Variants in APLF observed in about 807,000 individuals in gnomAD.
APLF encodes aprataxin and PNK-like factor.
Under a neutral mutation model 55.6 loss-of-function variants are expected in APLF, and 61 were observed. The observed-to-expected ratio is 1.10, with a 90% confidence interval of 0.89 to 1.36. The LOEUF (loss-of-function observed/expected upper bound fraction) is 1.36. APLF is among the 40% of genes most tolerant of loss of function. APLF has a pLI of 0.00. For missense variants in APLF, 611 were observed against 602.5 expected (o/e 1.01, Z -0.15); for synonymous variants, 207 against 214.8 (o/e 0.96, Z 0.32).
rs780241325 is a variant in APLF at position 68,545,313 on chromosome 2, G to C, written c.1286+1G>C. On this transcript the variant is annotated splice_donor_variant, in intron 8 of 9. Transcript: ENST00000303795. LOFTEE classifies it high-confidence loss of function. ...GTCCCTATGGACCATCCTGTTATAG[G>C]TATAGAAACTGAATGTTTGGCTGCA... 4 of 1,608,788 alleles carry C rather than the reference G, an allele frequency of 2.5e-6. No homozygotes were observed. Among genetic ancestry groups the C allele is most frequent in the Non-Finnish European group, 3.4e-6 (4 of 1,177,706 alleles).
chr2:68,518,117 C>T (rs1215662395), intron 5 of APLF, among the ~76,000 whole-genome samples: 1 of 125,076 alleles, frequency 8.0e-6, no homozygotes, highest in Non-Finnish European at 1.6e-5. Flanking sequence ...ATATCATATA[C>T]AATATTAATA....
chr2:68,518,326 A>G (rs1325831261), intron 5 of APLF, among the ~76,000 whole-genome samples: 1 of 113,226 alleles, frequency 8.8e-6, no homozygotes, highest in Non-Finnish European at 1.6e-5. Flanking sequence ...ATAATATATA[A>G]TATATTAATA....
At position 68,515,292 on chromosome 2, in the gene APLF, A is replaced by AATAT. The variant is rs67524979; in HGVS notation, c.622+1628_622+1631dup. 6.2e-3 allele frequency among the ~76,000 whole-genome samples: 926 copies of AATAT among 148,264 alleles called. 10 individuals carry two copies. The highest frequency in any genetic ancestry group is 0.012 in the East Asian group (63 of 5,042). ...CCACCCCCACAGTTACTTCATGTGT[A>AATAT]ATATATATATATATATATAGGCAAT... On this transcript the variant is annotated intron_variant, in intron 5 of 9. Coordinates refer to ENST00000303795, the MANE Select transcript of APLF (RefSeq NM_173545.3).
At chr2:68,527,122 C>G (rs1314646963) in intron 6 of APLF, among the ~76,000 whole-genome samples, 14 of 150,754 alleles carry the variant, frequency 9.3e-5, no homozygotes, top group Non-Finnish European at 5.9e-5. Flanking sequence ...GCGCTCCTCC[C>G]TTACAAACAG....
chr2:68,543,103 TAA>T (rs1455405670), intron 7 of APLF, among the ~76,000 whole-genome samples: 5 of 152,096 alleles, frequency 3.3e-5, no homozygotes. Context: ...GTTAGATTCA[TAA>T]AAACAAATTA....
intron 8 of APLF, among the ~76,000 whole-genome samples, chr2:68,547,093 A>T (rs1670728741): frequency 6.6e-6 from 1 of 151,840 alleles, no homozygotes; most frequent in Non-Finnish European, 1.5e-5. Flanking sequence ...TGTATATTCC[A>T]GCATTAACCG....
intron 3 of APLF, among the ~76,000 whole-genome samples, chr2:68,512,008 C>T (rs549568595): frequency 1.7e-4 from 26 of 151,774 alleles, no homozygotes; most frequent in African/African-American, 5.5e-4. Context: ...GCTAGACACA[C>T]TTCTAAAATC....
At chr2:68,563,159 G>C in intron 8 of APLF, 1 of 985,222 alleles carries the variant, frequency 1.0e-6, no homozygotes, top group Non-Finnish European at 1.2e-6. Context: ...CTGCATTACA[G>C]TATTTTACCT....
rs375821789 is a variant in APLF, at chr2:68,546,765, AAAAG to A, written c.1286+1456_1286+1459del. Among the ~76,000 whole-genome samples the A allele has an allele frequency of 2.3e-3, 343 of 151,980 alleles. 2 individuals carry two copies. Among genetic ancestry groups the A allele is most frequent in the African/African-American group, 7.7e-3 (321 of 41,564 alleles). On this transcript the variant is annotated intron_variant, in intron 8 of 9. Coordinates refer to ENST00000303795, the MANE Select transcript of APLF (RefSeq NM_173545.3). Reference sequence around the variant, plus strand: ...ATAGAAGGGAACTTCTTTAATATCAAAAAGAATATCTACAAAAAATTTATAGCAA... The same window carrying A: ...ATAGAAGGGAACTTCTTTAATATCAAAATATCTACAAAAAATTTATAGCAA...
At position 68,513,083 on chromosome 2, in the gene APLF, C is replaced by T. The variant is rs1228408834; in HGVS notation, c.345C>T (p.Asn115=). The change falls in exon 4 of 10, where the codon AAC becomes AAT. Residue 115 remains asparagine, a synonymous_variant. Coordinates refer to ENST00000303795, the MANE Select transcript of APLF (RefSeq NM_173545.3). ...SEVEMQCTLR[N]SQVLDEDNIL... ...CAGTTTCTATTTTATCTTATAGAAA[C>T]AGTCAAGTGCTTGATGAAGATAATA... is the stretch of plus-strand genomic sequence containing the variant. The T allele has an allele frequency of 1.2e-6, 2 of 1,600,176 alleles. No individual in the cohort carries two copies. Among genetic ancestry groups the T allele is most frequent in the South Asian group, 2.3e-5 (2 of 88,614 alleles).
intron 5 of APLF, among the ~76,000 whole-genome samples, chr2:68,525,723 C>G (rs1270123072): frequency 1.5e-5 from 2 of 135,156 alleles, no homozygotes; most frequent in African/African-American, 6.6e-5. Context: ...CCCTTTTATC[C>G]TTTTTATTTT....
chr2:68,515,699 A>G (rs1230150803), intron 5 of APLF: 8 of 983,736 alleles, frequency 8.1e-6, no homozygotes, highest in Non-Finnish European at 9.7e-6. Flanking sequence ...TTAAAATGCT[A>G]AAGCTTCAAA....
chr2:68,528,864 A>G (rs1670160165), intron 6 of APLF: 1 of 1,525,352 alleles, frequency 6.6e-7, no homozygotes, highest in African/African-American at 1.4e-5. Context: ...GGATTGTACC[A>G]GGAGGAAGTG....
At chr2:68,550,164 T>C (rs1670816256) in intron 8 of APLF, among the ~76,000 whole-genome samples, 1 of 152,186 alleles carries the variant, frequency 6.6e-6, no homozygotes, top group African/African-American at 2.4e-5. Flanking sequence ...AAAGAGCATA[T>C]AGTTGCTTCA....
At chr2:68,542,202 T>C (rs925874652) in intron 7 of APLF, among the ~76,000 whole-genome samples, 1 of 152,216 alleles carries the variant, frequency 6.6e-6, no homozygotes, top group Non-Finnish European at 1.5e-5. Context: ...TACAAGACTC[T>C]TAGAAGAAAA....
intron 1 of APLF, among the ~76,000 whole-genome samples, chr2:68,484,748 G>A (rs1346593846): frequency 1.3e-5 from 2 of 150,850 alleles, no homozygotes; most frequent in African/African-American, 4.9e-5. Context: ...TGTAATCCCA[G>A]CACCTTGGGA....
chr2:68,537,845 C>T, intron 6 of APLF, 27 bp from the exon 7 acceptor site: 2 of 1,454,160 alleles, frequency 1.4e-6, no homozygotes, highest in South Asian at 2.7e-5. Context: ...TCATTTATTT[C>T]TGATGTTTTT....
At chr2:68,487,198 C>A (rs1233096222) in intron 1 of APLF, among the ~76,000 whole-genome samples, 1 of 152,124 alleles carries the variant, frequency 6.6e-6, no homozygotes, top group Non-Finnish European at 1.5e-5. Context: ...GGATCTGAAT[C>A]TCCTCTGAAT....
At chr2:68,506,473 G>A (rs1023473978) in intron 3 of APLF, among the ~76,000 whole-genome samples, 1 of 151,840 alleles carries the variant, frequency 6.6e-6, no homozygotes, top group African/African-American at 2.4e-5. Context: ...AACTAGCTCT[G>A]TTTTGCAGGG....
Sources: gnomAD v4.1 joint callset for allele counts (sites outside exome capture counted in the v4.1 genomes callset) on GRCh38, gnomAD v4.1.1 for gene constraint, MANE v1.5 for transcripts, NCBI Gene and HGNC (gene_info 2026-07-23, HGNC 2026-07-21) for gene names.